SGIP1: variants seen among roughly 807,000 people sequenced by gnomAD.
The protein encoded by SGIP1 is SH3GL interacting endocytic adaptor 1, also known as SH3-containing GRB2-like protein 3-interacting protein 1.
A neutral mutation model predicts 107.5 loss-of-function variants in SGIP1; 38 were observed. That is an observed-to-expected ratio of 0.35 (90% CI 0.27 to 0.46). SGIP1 has a LOEUF of 0.46. Ranked by LOEUF, SGIP1 falls within the 20% of genes least tolerant of loss-of-function variation. The probability of loss-of-function intolerance (pLI) is 1.00; values close to 1 mark genes in which losing one functional copy is unlikely to be tolerated. For missense variants in SGIP1, 929 were observed against 1,019.5 expected (o/e 0.91, Z 1.21); for synonymous variants, 365 against 366.1 (o/e 1.00, Z 0.03).
intron 1 of SGIP1, among the ~76,000 whole-genome samples, chr1:66,581,611 G>A (rs1296580416): frequency 2.0e-5 from 3 of 151,896 alleles, no homozygotes; most frequent in Non-Finnish European, 2.9e-5. Flanking sequence ...CATGTGTTGA[G>A]GTTCATACCT....
chr1:66,573,252 GTC>G (rs138336736), intron 1 of SGIP1, among the ~76,000 whole-genome samples: 7,075 of 152,080 alleles, frequency 0.047, 549 homozygotes, highest in African/African-American at 0.16. Context: ...TTACTAAAAA[GTC>G]TAAAAATAAC....
intron 7 of SGIP1, among the ~76,000 whole-genome samples, chr1:66,645,827 T>C (rs1049575489): frequency 2.6e-5 from 4 of 152,086 alleles, no homozygotes; most frequent in Non-Finnish European, 5.9e-5. Context: ...TAGATAGATA[T>C]AGATATAGAT....
chr1:66,702,520 G>A (rs900859360), intron 18 of SGIP1, among the ~76,000 whole-genome samples: 1 of 152,212 alleles, frequency 6.6e-6, no homozygotes, highest in South Asian at 2.1e-4. Context: ...ACATATGAAA[G>A]GTTTTAAATT....
At chr1:66,566,604 G>C (rs2059675064) in intron 1 of SGIP1, among the ~76,000 whole-genome samples, 1 of 151,598 alleles carries the variant, frequency 6.6e-6, no homozygotes, top group South Asian at 2.1e-4. Context: ...TGTCATGTGG[G>C]GATAATAATG....
At chr1:66,600,828 T>G (rs2065659886) in intron 1 of SGIP1, among the ~76,000 whole-genome samples, 1 of 152,140 alleles carries the variant, frequency 6.6e-6, no homozygotes, top group Admixed American at 6.5e-5. Flanking sequence ...ACTAGAAAAC[T>G]CATTCCACCA....
At chr1:66,728,273 G>A (rs2093851380) in intron 19 of SGIP1, among the ~76,000 whole-genome samples, 1 of 152,184 alleles carries the variant, frequency 6.6e-6, no homozygotes, top group Admixed American at 6.5e-5. Flanking sequence ...TGATAACATT[G>A]TACAATATAC....
In SGIP1 at chr1:66,636,144, C is replaced by T. The variant is rs1219088203; in HGVS notation, c.171+129C>T. Reference sequence around the variant, plus strand: ...ATTTAAGAAAACTCTTAGGTATTTCCAAATGACTTCTTGAATGTCTGGGGC... The same window carrying T: ...ATTTAAGAAAACTCTTAGGTATTTCTAAATGACTTCTTGAATGTCTGGGGC... On this transcript the variant is annotated intron_variant, in intron 4 of 24. Transcript: ENST00000371037. 8 of 832,860 alleles carry T rather than the reference C, an allele frequency of 9.6e-6. No homozygotes were observed. In the East Asian group the frequency reaches 1.9e-4, roughly 19 times the overall value. 51.6% of individuals were successfully genotyped at this position (832,860 alleles called of 1,614,324 possible).
At chr1:66,654,643 A>T (rs2079386050) in intron 7 of SGIP1, among the ~76,000 whole-genome samples, 1 of 152,184 alleles carries the variant, frequency 6.6e-6, no homozygotes, top group Non-Finnish European at 1.5e-5. Flanking sequence ...AGAAAAAAAA[A>T]TCTTACAGTG....
intron 1 of SGIP1, among the ~76,000 whole-genome samples, chr1:66,568,447 C>G (rs1355219402): frequency 1.3e-5 from 2 of 151,978 alleles, no homozygotes; most frequent in African/African-American, 4.8e-5. Flanking sequence ...CAAACAGAGA[C>G]AATTTGACTT....
chr1:66,729,598 T>C (rs1013926308), intron 20 of SGIP1, among the ~76,000 whole-genome samples, 179 bp downstream of exon 20: 1 of 152,166 alleles, frequency 6.6e-6, no homozygotes, highest in African/African-American at 2.4e-5. Flanking sequence ...TGGGTGGTTG[T>C]GTGTGAATGT....
At chr1:66,558,605 G>A (rs745441537) in intron 1 of SGIP1, among the ~76,000 whole-genome samples, 6 of 151,802 alleles carry the variant, frequency 4.0e-5, no homozygotes, top group Non-Finnish European at 8.8e-5. Context: ...CACTGTTCTG[G>A]CTACCAAACA....
At chr1:66,624,500 G>T (rs1002749851) in intron 1 of SGIP1, among the ~76,000 whole-genome samples, 1 of 152,090 alleles carries the variant, frequency 6.6e-6, no homozygotes, top group Non-Finnish European at 1.5e-5. Context: ...TGTCTTAAAT[G>T]GATGACTATT....
At position 66,750,034 on chromosome 1, in the gene SGIP1, GGGGTGTGTGTGTGTGT is replaced by G. The variant is rs1396719754; in HGVS notation, c.*6941_*6956del. On this transcript the variant is annotated 3_prime_UTR_variant, in exon 25 of 25. Transcript: ENST00000371037. ...CTCTCTCTTTCTCTGTGTGTGTGTG[GGGGTGTGTGTGTGTGT>G]GTGTGTGTGTGTGTGTGTCTCTTTC... Among the ~76,000 whole-genome samples, 1 of 92,052 alleles carries G rather than the reference GGGGTGTGTGTGTGTGT, an allele frequency of 1.1e-5. No individual in the cohort carries two copies. 60.4% of individuals were successfully genotyped at this position (92,052 alleles called of 152,430 possible).
chr1:66,741,269 T>C lies in SGIP1; in HGVS notation c.2300-3T>C. The stretch of plus-strand genomic sequence containing the variant: ...TACCTTGTAATAATGTGTTTTTTTT[T>C]AGGGGTGGGTTCTTTGTTGGCAAGA... On this transcript the variant is annotated splice_polypyrimidine_tract_variant and splice_region_variant and intron_variant, in intron 23 of 24. Coordinates refer to ENST00000371037, the MANE Select transcript of SGIP1 (RefSeq NM_032291.4). 4 of 1,569,320 alleles carry C rather than the reference T, an allele frequency of 2.5e-6. No individual in the cohort carries two copies. The highest frequency in any genetic ancestry group is 3.4e-6 in the Non-Finnish European group (4 of 1,161,034).
At chr1:66,644,994 C>T (rs1488158913) in intron 7 of SGIP1, among the ~76,000 whole-genome samples, 1 of 152,176 alleles carries the variant, frequency 6.6e-6, no homozygotes, top group African/African-American at 2.4e-5. Flanking sequence ...AAAGCACACT[C>T]TTTCACTTTT....
intron 1 of SGIP1, among the ~76,000 whole-genome samples, chr1:66,549,801 C>A (rs896942533): frequency 6.6e-6 from 1 of 152,160 alleles, no homozygotes; most frequent in African/African-American, 2.4e-5. Flanking sequence ...ACCAGGTTAT[C>A]TGAGCAGTTT....
At chr1:66,739,616 T>G in intron 22 of SGIP1, 79 bp downstream of exon 22, 4 of 1,438,026 alleles carry the variant, frequency 2.8e-6, no homozygotes, top group Non-Finnish European at 3.9e-6. Context: ...TTGCGTGTCC[T>G]GTAGGAGGAG....
At chr1:66,688,261 G>A (rs919473266) in intron 15 of SGIP1, among the ~76,000 whole-genome samples, 2 of 152,170 alleles carry the variant, frequency 1.3e-5, no homozygotes, top group African/African-American at 2.4e-5. Context: ...CGGTTTGAAC[G>A]TTGATTTGAC....
chr1:66,658,042 A>C (rs1047534095), intron 7 of SGIP1, among the ~76,000 whole-genome samples: 1 of 152,192 alleles, frequency 6.6e-6, no homozygotes. Flanking sequence ...TATTAAATAA[A>C]GATGGTTTAA....
Sources: gnomAD v4.1 joint callset for allele counts (sites outside exome capture counted in the v4.1 genomes callset) on GRCh38, gnomAD v4.1.1 for gene constraint, MANE v1.5 for transcripts, NCBI Gene and HGNC (gene_info 2026-07-23, HGNC 2026-07-21) for gene names.